Variants in PDZD2 observed in about 807,000 individuals in gnomAD.
The protein encoded by PDZD2 is PDZ domain containing 2, also known as PDZ domain-containing protein 2.
PDZD2 carries 90 observed loss-of-function variants against 220.7 expected under a neutral mutation model. The observed-to-expected ratio is 0.41, with a 90% confidence interval of 0.34 to 0.49. The LOEUF is 0.49. Among genes scored for constraint, PDZD2 ranks in the 20% least tolerant of loss-of-function variants. PDZD2 has a pLI of 0.28. For synonymous variants in PDZD2, 1,375 were observed against 1,450.5 expected, an observed-to-expected ratio of 0.95 and a Z score of 1.18; for missense variants, 3,174 against 3,608.5, an observed-to-expected ratio of 0.88 and a Z score of 3.08.
chr5:31,760,648 G>C (rs62350702), intron 1 of PDZD2, among the ~76,000 whole-genome samples: 6,282 of 152,278 alleles, frequency 0.041, 154 homozygotes, highest in Middle Eastern at 0.071. Flanking sequence ...GAGGCCAGGC[G>C]TGGTGGCTTA....
intron 14 of PDZD2, among the ~76,000 whole-genome samples, chr5:32,065,763 G>A (rs759496318): frequency 2.0e-5 from 3 of 152,204 alleles, no homozygotes; most frequent in African/African-American, 7.2e-5. Flanking sequence ...TGTGGCTCAC[G>A]CCTGTAATCC....
chr5:31,926,407 TC>T (rs1744765885), intron 2 of PDZD2, among the ~76,000 whole-genome samples: 1 of 147,300 alleles, frequency 6.8e-6, no homozygotes, highest in Non-Finnish European at 1.5e-5. Context: ...AAGCCTGTAC[TC>T]CCGGCTACTC....
intron 2 of PDZD2, among the ~76,000 whole-genome samples, chr5:31,882,641 A>G (rs552889819): frequency 4.3e-4 from 65 of 152,248 alleles, no homozygotes; most frequent in African/African-American, 1.6e-3. Context: ...AGTAAATTGG[A>G]TCATTTTAGG....
rs140101232 is a variant in PDZD2 at position 32,088,836 on chromosome 5, G to C, written c.5388G>C (p.Arg1796Ser). The C allele has an allele frequency of 1.9e-4, 302 of 1,614,046 alleles. 1 individual carries two copies. The African/African-American group carries it at 3.5e-3, about 19-fold the overall frequency. Reference sequence around the variant, plus strand: ...AGAAACCAAAAATGATCGCTAGGAGGCCCATCATGGCCTGGTTTAAAGAAA... The same window carrying C: ...AGAAACCAAAAATGATCGCTAGGAGCCCCATCATGGCCTGGTTTAAAGAAA... The part of the protein sequence containing the change: ...LLQKPKMIAR[R>S]PIMAWFKEIN... The change falls in exon 20 of 25, where the codon AGG becomes AGC. Residue 1796 changes from arginine (R) to serine (S), a missense_variant. Arg to Ser is a moderately radical substitution (Grantham distance 110). This residue lies in a region of PDZD2 where 1,861 missense variants were observed against 2,001.0 expected (regional missense o/e 0.93). Coordinates refer to ENST00000438447, the MANE Select transcript of PDZD2 (RefSeq NM_178140.4). This position sits in a 1 kb window ranked among gnomAD's most constrained non-coding sequence, Gnocchi z 4.6.
intron 2 of PDZD2, chr5:31,823,074 C>A (rs1185011017): frequency 1.0e-5 from 10 of 986,616 alleles, no homozygotes; most frequent in African/African-American, 1.7e-5. Flanking sequence ...CTGTGCATCC[C>A]TTTAGAGTAA....
intron 2 of PDZD2, among the ~76,000 whole-genome samples, chr5:31,901,996 ATTG>A (rs1742147242): frequency 6.6e-6 from 1 of 152,216 alleles, no homozygotes; most frequent in African/African-American, 2.4e-5. Context: ...GGTGATCGAT[ATTG>A]GGGTTGTTTT....
chr5:31,746,811 C>T (rs1238417701), intron 1 of PDZD2, among the ~76,000 whole-genome samples: 2 of 152,190 alleles, frequency 1.3e-5, no homozygotes, highest in African/African-American at 2.4e-5. Flanking sequence ...TCACTAGGTT[C>T]GTGGCAGGAG....
intron 2 of PDZD2, among the ~76,000 whole-genome samples, chr5:31,809,610 G>A (rs529105879): frequency 4.7e-4 from 72 of 152,192 alleles, no homozygotes; most frequent in Non-Finnish European, 8.8e-4. Context: ...GGAATCAGAA[G>A]CCTTTTAAGG....
At chr5:31,738,889 GA>G (rs1013002596) in intron 1 of PDZD2, among the ~76,000 whole-genome samples, 2 of 135,318 alleles carry the variant, frequency 1.5e-5, no homozygotes, top group Admixed American at 1.5e-4. Flanking sequence ...AATATATATA[GA>G]TTTTTTTTTT....
chr5:31,728,774 A>G (rs867418818), intron 1 of PDZD2, among the ~76,000 whole-genome samples: 5 of 152,340 alleles, frequency 3.3e-5, no homozygotes, highest in South Asian at 2.1e-4. Context: ...TAGCTATTTT[A>G]TGCATCATTA....
chr5:32,036,092 C>T (rs758316889), intron 6 of PDZD2, among the ~76,000 whole-genome samples: 15 of 152,246 alleles, frequency 9.9e-5, no homozygotes, highest in Middle Eastern at 3.4e-3. Context: ...TACAGGCACC[C>T]GCCACCATGC....
In PDZD2 at chr5:32,090,932, A is replaced by G. The variant is rs373249738; in HGVS notation, c.7484A>G (p.Lys2495Arg). ...GCCTTGAGCATGCCTGACCTTGACA[A>G]GCTCTGCAGCGAGGATTACTCAGCA... is the stretch of plus-strand genomic sequence containing the variant. ...LRALSMPDLD[K>R]LCSEDYSAGP... The change falls in exon 20 of 25, where the codon AAG becomes AGG. Residue 2495 changes from lysine (K) to arginine (R), a missense_variant. Transcript: ENST00000438447. This position sits in a 1 kb window ranked among gnomAD's most constrained non-coding sequence, Gnocchi z 4.3. The G allele has an allele frequency of 2.2e-5, 36 of 1,613,970 alleles. No individual in the cohort carries two copies. In the African/African-American group the frequency reaches 4.5e-4, roughly 20 times the overall value.
intron 1 of PDZD2, among the ~76,000 whole-genome samples, chr5:31,771,514 G>C (rs1262266912): frequency 6.7e-6 from 1 of 149,006 alleles, no homozygotes; most frequent in Non-Finnish European, 1.5e-5. Context: ...GGAGACAGAG[G>C]GTATGGAGTT....
intron 1 of PDZD2, among the ~76,000 whole-genome samples, chr5:31,652,884 C>G (rs750781407): frequency 6.6e-6 from 1 of 152,112 alleles, no homozygotes; most frequent in Admixed American, 6.5e-5. Flanking sequence ...TGGTGGTACA[C>G]GCCTGTAGTC....
chr5:31,847,656 T>G, intron 2 of PDZD2: 1 of 614,238 alleles, frequency 1.6e-6, no homozygotes, highest in Admixed American at 1.8e-5. Context: ...ATGAATACAA[T>G]GTGGAAAGCA....
intron 13 of PDZD2, among the ~76,000 whole-genome samples, chr5:32,059,575 T>C (rs1294100481): frequency 6.6e-6 from 1 of 152,238 alleles, no homozygotes; most frequent in Non-Finnish European, 1.5e-5. Flanking sequence ...TTGGCTTCCC[T>C]GCTTATTTTG....
At chr5:31,987,155 T>C (rs887843167) in intron 3 of PDZD2, among the ~76,000 whole-genome samples, 1 of 152,214 alleles carries the variant, frequency 6.6e-6, no homozygotes, top group African/African-American at 2.4e-5. Context: ...TTATATAGAA[T>C]GTAATGTATT....
chr5:31,856,411 C>T (rs893740627), intron 2 of PDZD2, among the ~76,000 whole-genome samples: 19 of 151,598 alleles, frequency 1.3e-4, no homozygotes, highest in African/African-American at 4.4e-4. Flanking sequence ...TCAGAGCGGG[C>T]CACAAACAAA....
At chr5:31,786,256 C>G (rs370873137) in intron 1 of PDZD2, among the ~76,000 whole-genome samples, 1 of 152,168 alleles carries the variant, frequency 6.6e-6, no homozygotes, top group Non-Finnish European at 1.5e-5. Context: ...AGCAGGCGAG[C>G]AGTCCAGGGA....
Sources: gnomAD v4.1 joint callset for allele counts (sites outside exome capture counted in the v4.1 genomes callset) on GRCh38, gnomAD v4.1.1 for gene constraint, gnomAD v4.1.1 regional missense constraint, Gnocchi (gnomAD v3.1) non-coding constraint, MANE v1.5 for transcripts, NCBI Gene and HGNC (gene_info 2026-07-23, HGNC 2026-07-21) for gene names.